The following DNAI1 variants were observed in gnomAD, a reference collection of about 807,000 sequenced individuals.
DNAI1 encodes the protein dynein axonemal intermediate chain 1.
A neutral mutation model predicts 92.0 loss-of-function variants in DNAI1; 67 were observed. The ratio of observed to expected loss-of-function variants is 0.73; its 90% CI spans 0.60 to 0.89. The LOEUF (loss-of-function observed/expected upper bound fraction) is 0.89. DNAI1 is among the 40% of genes least tolerant of loss of function. The probability of loss-of-function intolerance (pLI) is 0.00; values close to 1 mark genes in which losing one functional copy is unlikely to be tolerated. For missense variants in DNAI1, 839 were observed against 866.6 expected, an observed-to-expected ratio of 0.97 and a Z score of 0.40; for synonymous variants, 323 against 319.6, an observed-to-expected ratio of 1.01 and a Z score of -0.11.
intron 1 of DNAI1, among the ~76,000 whole-genome samples, chr9:34,463,774 A>G (rs541515387): frequency 5.9e-5 from 9 of 152,212 alleles, no homozygotes; most frequent in Non-Finnish European, 1.2e-4. Flanking sequence ...AGAGGCTCCT[A>G]TGGTGCAATA....
chr9:34,467,766 G>T (rs901490690), intron 1 of DNAI1, among the ~76,000 whole-genome samples: 1 of 152,178 alleles, frequency 6.6e-6, no homozygotes, highest in African/African-American at 2.4e-5. Context: ...AGTAAGCCTG[G>T]ACACAATATA....
At chr9:34,493,460 T>C in intron 9 of DNAI1, 132 bp downstream of exon 9, 1 of 1,293,998 alleles carries the variant, frequency 7.7e-7, no homozygotes, top group Non-Finnish European at 1.1e-6. Context: ...GAGATATAAA[T>C]AGTTCTTTCC....
chr9:34,502,811 T>G (rs1824859085), intron 12 of DNAI1, among the ~76,000 whole-genome samples: 2 of 152,218 alleles, frequency 1.3e-5, no homozygotes, highest in Admixed American at 1.3e-4. Flanking sequence ...GGTGTCACTT[T>G]CCAGTGACAC....
intron 18 of DNAI1, among the ~76,000 whole-genome samples, chr9:34,515,620 T>C (rs545119039): frequency 6.6e-6 from 1 of 152,326 alleles, no homozygotes; most frequent in African/African-American, 2.4e-5. Flanking sequence ...AAACAAAATA[T>C]AGTCTCTCCT....
intron 6 of DNAI1, 27 bp downstream of exon 6, chr9:34,490,151 C>T (rs1824557864): frequency 1.9e-6 from 3 of 1,613,482 alleles, no homozygotes; most frequent in Non-Finnish European, 8.5e-7. Flanking sequence ...CTCTGTGTCC[C>T]TCTTCTTCCA....
At position 34,512,384 on chromosome 9, in the gene DNAI1, C is replaced by A. The variant is rs1461407696; in HGVS notation, c.1449C>A (p.Ser483Arg). The change falls in exon 15 of 20, where the codon AGC (serine) becomes AGA (arginine). Residue 483 changes from serine to arginine, a missense_variant. Ser to Arg is a moderately radical substitution (Grantham distance 110). Coordinates refer to ENST00000242317, the MANE Select transcript of DNAI1 (RefSeq NM_012144.4). ...IDVIKLKVEG[S>R]TTEVPEGLQL... ...TCATCAAGCTGAAGGTGGAAGGCAG[C>A]ACCACGGAAGTTCCTGAGGGGTTGC... The A allele has an allele frequency of 6.2e-7, 1 of 1,614,166 alleles. No individual in the cohort carries two copies. Among genetic ancestry groups the A allele is most frequent in the Non-Finnish European group, 8.5e-7 (1 of 1,180,026 alleles).
At position 34,520,969 on chromosome 9, in the gene DNAI1, C is replaced by T. The variant is rs1219176592; in HGVS notation, c.*213C>T. The T allele has an allele frequency of 6.4e-6, 4 of 622,218 alleles. No individual in the cohort carries two copies. The highest frequency in any genetic ancestry group is 5.6e-5 in the East Asian group (2 of 35,862). The allele number at this position is 622,218 out of a possible 1,614,324, so 38.5% of individuals were successfully genotyped here. A position where few individuals can be genotyped will look rare whatever the true frequency, so the allele number is the denominator to read the frequency against. ...ACCCCTCTAACTTTGCACAAATAAA[C>T]CTGTGTAGAAACCCACCCCACACCT... On this transcript the variant is annotated 3_prime_UTR_variant, in exon 20 of 20. Transcript: ENST00000242317.
chr9:34,519,086 T>G (rs1380430997), intron 19 of DNAI1, among the ~76,000 whole-genome samples: 2 of 152,040 alleles, frequency 1.3e-5, no homozygotes, highest in Non-Finnish European at 2.9e-5. Flanking sequence ...AAGGGACAGG[T>G]GGGGGCTGGT....
rs1457038305 is a variant in DNAI1, at chr9:34,504,694, G to A, written c.1064-1933G>A. Among the ~76,000 whole-genome samples the A allele has an allele frequency of 4.6e-5, 7 of 152,228 alleles. No homozygotes were observed. The East Asian group carries it at 1.3e-3, about 29-fold the overall frequency. ...GACTTCTAATCGAACGAGAGTGCCT[G>A]GAAAAGCCCAGCTGCTGGAGAGGCT... On this transcript the variant is annotated intron_variant, in intron 12 of 19. Transcript: ENST00000242317.
chr9:34,475,695 G>T (rs1269523523), intron 1 of DNAI1, among the ~76,000 whole-genome samples: 3 of 152,142 alleles, frequency 2.0e-5, no homozygotes, highest in Non-Finnish European at 4.4e-5. Context: ...GGATACTGAG[G>T]TTCAAAGAAG....
rs1266855433 is a variant in DNAI1 at position 34,497,183 on chromosome 9, T to C, written c.885T>C (p.Tyr295=). The change falls in exon 10 of 20, where the codon TAT becomes TAC. Residue 295 remains tyrosine (Y), a synonymous_variant. Coordinates refer to ENST00000242317, the MANE Select transcript of DNAI1 (RefSeq NM_012144.4). ...AGCGGATGGTCAACCAGAATACATA[T>C]GATGACATTGCTCAAGGTAAGAGTT... The part of the protein sequence containing the change: ...IMERMVNQNT[Y]DDIAQDFKYY... 2 of 1,613,758 alleles carry C rather than the reference T, an allele frequency of 1.2e-6. No individual in the cohort carries two copies. Among genetic ancestry groups the C allele is most frequent in the Non-Finnish European group, 1.7e-6 (2 of 1,179,626 alleles).
At chr9:34,465,967 A>G (rs1364362278) in intron 1 of DNAI1, among the ~76,000 whole-genome samples, 5 of 152,214 alleles carry the variant, frequency 3.3e-5, no homozygotes, top group East Asian at 1.9e-4. Context: ...TCTGGTTTGT[A>G]TGGTGGATTT....
Position 34,506,730 on chromosome 9 carries a change from C to T in DNAI1, c.1167C>T (p.Leu389=), listed in dbSNP as rs756277063. ...MFSSNSGVMC[L]DIHVDHPYLV... ...GCAGCAACAGCGGCGTCATGTGTCT[C>T]GACATCCACGTGGACCACCCCTACC... Residue 389 remains leucine, a synonymous_variant, in exon 13 of 20, where the codon CTC becomes CTT. Coordinates refer to ENST00000242317, the MANE Select transcript of DNAI1 (RefSeq NM_012144.4). The T allele has an allele frequency of 4.0e-5, 64 of 1,614,054 alleles. No homozygotes were observed. The highest frequency in any genetic ancestry group is 1.1e-4 in the East Asian group (5 of 44,894).
At chr9:34,486,145 A>G (rs556837094) in intron 4 of DNAI1, among the ~76,000 whole-genome samples, 5 of 152,294 alleles carry the variant, frequency 3.3e-5, no homozygotes, top group Middle Eastern at 3.4e-3. Flanking sequence ...TGAACTGAAG[A>G]GAATTTCCGA....
At chr9:34,465,191 C>T (rs1172078437) in intron 1 of DNAI1, among the ~76,000 whole-genome samples, 2 of 151,978 alleles carry the variant, frequency 1.3e-5, no homozygotes, top group African/African-American at 2.4e-5. Flanking sequence ...ACTATGTAGG[C>T]AAAGATTGTT....
At position 34,497,170 on chromosome 9, in the gene DNAI1, A is replaced by G. The variant is rs1824742637; in HGVS notation, c.872A>G (p.Asn291Ser). 1.2e-6 allele frequency: 2 copies of G among 1,613,958 alleles called. No homozygotes were observed. Among genetic ancestry groups the G allele is most frequent in the Middle Eastern group, 1.6e-4 (1 of 6,084 alleles). ...QAAKIMERMVNQNTYDDIAQD... is the reference protein window; with the variant it reads ...QAAKIMERMVSQNTYDDIAQD... ...GCTAAGATCATGGAGCGGATGGTCA[A>G]CCAGAATACATATGATGACATTGCT... Residue 291 changes from asparagine to serine, a missense_variant, in exon 10 of 20, where the codon AAC becomes AGC. Coordinates refer to ENST00000242317, the MANE Select transcript of DNAI1 (RefSeq NM_012144.4).
rs144030622 is a variant in DNAI1 at position 34,470,289 on chromosome 9, A to G, written c.48+11236A>G. Reference sequence around the variant, plus strand: ...ACTAGAAAACAAAGAGCAACATGGTAAAGACCTCCAATTAAGAGGCAGAGT... The same window carrying G: ...ACTAGAAAACAAAGAGCAACATGGTGAAGACCTCCAATTAAGAGGCAGAGT... On this transcript the variant is annotated intron_variant, in intron 1 of 19. Coordinates refer to ENST00000242317, the MANE Select transcript of DNAI1 (RefSeq NM_012144.4). Among the ~76,000 whole-genome samples, 14 of 152,346 alleles carry G rather than the reference A, an allele frequency of 9.2e-5. No individual in the cohort carries two copies. In the East Asian group the frequency reaches 2.7e-3, roughly 29 times the overall value.
At chr9:34,494,966 C>CA (rs1055211023) in intron 9 of DNAI1, among the ~76,000 whole-genome samples, 2 of 152,318 alleles carry the variant, frequency 1.3e-5, no homozygotes, top group African/African-American at 4.8e-5. Flanking sequence ...AACAGAGTGA[C>CA]ACCCCTTCCT....
intron 18 of DNAI1, among the ~76,000 whole-genome samples, chr9:34,515,156 C>T (rs760877286): frequency 3.9e-5 from 6 of 152,194 alleles, no homozygotes; most frequent in Non-Finnish European, 5.9e-5. Context: ...TCTGAGGGAA[C>T]TTCAGTGGGG....
Sources: allele counts gnomAD v4.1 joint callset (sites outside exome capture counted in the v4.1 genomes callset), GRCh38; gene constraint gnomAD v4.1.1; transcripts MANE v1.5; gene names NCBI Gene and HGNC (gene_info 2026-07-23, HGNC 2026-07-21).